PASD1: variants seen among roughly 807,000 people sequenced by gnomAD.
PASD1 encodes PAS domain containing repressor 1, also known as circadian clock protein PASD1.
Under a neutral mutation model 58.8 loss-of-function variants are expected in PASD1, and 13 were observed. That is an observed-to-expected ratio of 0.22 (90% CI 0.14 to 0.35). PASD1 has a LOEUF of 0.35. Among genes scored for constraint, PASD1 ranks in the 10% least tolerant of loss-of-function variants. PASD1 has a pLI of 1.00. For synonymous variants in PASD1, 236 were observed against 216.7 expected (o/e 1.09, Z -0.78); for missense variants, 734 against 568.3 (o/e 1.29, Z -2.96).
chrX:151,648,847 T>C, intron 9 of PASD1, 145 bp downstream of exon 9: 1 of 647,556 alleles, frequency 1.5e-6, no homozygotes, highest in Non-Finnish European at 2.3e-6. Flanking sequence ...TGTAGACATT[T>C]CTTATTAGGA....
Position 151,660,100 on chromosome X carries a change from T to C in PASD1, c.841+264T>C, listed in dbSNP as rs148784834. On this transcript the variant is annotated intron_variant, in intron 10 of 15. Coordinates refer to ENST00000370357, the MANE Select transcript of PASD1 (RefSeq NM_173493.3). ...CGCTGGATCTCAATCCTTGAAGGAA[T>C]AGCGTTTTATCTTTTTATACTCGTG... 3.1e-3 allele frequency among the ~76,000 whole-genome samples: 352 copies of C among 112,254 alleles called. 5 individuals carry two copies. Among genetic ancestry groups the C allele is most frequent in the African/African-American group, 0.011 (329 of 30,930 alleles).
At chrX:151,666,233 A>G (rs2014378630) in intron 11 of PASD1, among the ~76,000 whole-genome samples, 3 of 110,131 alleles carry the variant, frequency 2.7e-5, no homozygotes, top group Admixed American at 1.9e-4. Context: ...CCTTGTTTAT[A>G]TGCATGGTAT....
At chrX:151,667,734 G>T (rs1477526766) in intron 11 of PASD1, among the ~76,000 whole-genome samples, 11 of 111,574 alleles carry the variant, frequency 9.9e-5, no homozygotes, top group South Asian at 3.8e-4. Context: ...TGTTCCATTG[G>T]TCTGTATCTC....
At chrX:151,641,545 G>C (rs1331126470) in intron 8 of PASD1, among the ~76,000 whole-genome samples, 2 of 111,242 alleles carry the variant, frequency 1.8e-5, no homozygotes, top group Non-Finnish European at 3.8e-5. Flanking sequence ...CCCACAAAAA[G>C]AATATGATTT....
At chrX:151,598,512 G>C (rs770819204) in intron 1 of PASD1, among the ~76,000 whole-genome samples, 1 of 110,619 alleles carries the variant, frequency 9.0e-6, no homozygotes, top group Admixed American at 9.6e-5. Context: ...ATGCCCATCT[G>C]GAACCCCTCT....
chrX:151,566,887 A>C (rs1399271911), intron 1 of PASD1, among the ~76,000 whole-genome samples: 4 of 108,498 alleles, frequency 3.7e-5, no homozygotes, highest in Non-Finnish European at 7.6e-5. Context: ...ACCAACATGG[A>C]AAAACCCCGT....
intron 1 of PASD1, among the ~76,000 whole-genome samples, chrX:151,583,872 C>A (rs5924961): frequency 9.1e-6 from 1 of 110,428 alleles, no homozygotes; most frequent in African/African-American, 3.3e-5. Context: ...AGAATTCAGG[C>A]TAAGTCTAAG....
At position 151,563,717 on chromosome X, in the gene PASD1, G is replaced by T. The variant is rs2124211446; in HGVS notation, c.-150G>T. 8.9e-6 allele frequency: 1 copy of T among 112,226 alleles called. No homozygotes were observed. Among genetic ancestry groups the T allele is most frequent in the African/African-American group, 3.2e-5 (1 of 30,866 alleles). The allele number at this position is 112,226 out of a possible 1,213,427, so 9.2% of individuals were successfully genotyped here. A position where few individuals can be genotyped will look rare whatever the true frequency, so the allele number is the denominator to read the frequency against. ...CACTTCCCTGAAGAGTCTAGAAGCT[G>T]CTCCTCATTTCCAGACTTTCCGGGC... On this transcript the variant is annotated 5_prime_UTR_variant, in exon 1 of 16. Coordinates refer to ENST00000370357, the MANE Select transcript of PASD1 (RefSeq NM_173493.3).
At position 151,641,733 on chromosome X, in the gene PASD1, A is replaced by G. The variant is rs778403299; in HGVS notation, c.630-6882A>G. Among the ~76,000 whole-genome samples, 4 of 110,767 alleles carry G rather than the reference A, an allele frequency of 3.6e-5. No homozygotes were observed. In the East Asian group the frequency reaches 8.7e-4, roughly 24 times the overall value. On this transcript the variant is annotated intron_variant, in intron 8 of 15. Transcript: ENST00000370357. ...AGGGAATTGGAGAGGAGAAGGGTAC[A>G]TTATTTCCTGAGTCATCTTGTTTCA...
In PASD1 at chrX:151,642,725, A is replaced by G. The variant is rs1273296210; in HGVS notation, c.630-5890A>G. On this transcript the variant is annotated intron_variant, in intron 8 of 15. Transcript: ENST00000370357. ...CTTTGAACTCTGATAAAACTTAATG[A>G]CTTAGAGTGGATTGAAATATTTTAA... Among the ~76,000 whole-genome samples the G allele has an allele frequency of 2.7e-5, 3 of 112,360 alleles. No individual in the cohort carries two copies. The South Asian group carries it at 1.1e-3, about 41-fold the overall frequency.
intron 1 of PASD1, among the ~76,000 whole-genome samples, chrX:151,600,754 C>T (rs1456659165): frequency 9.0e-6 from 1 of 111,093 alleles, no homozygotes; most frequent in Admixed American, 9.6e-5. Context: ...GTTTCACTTC[C>T]CTGTTCAGGT....
chrX:151,593,711 G>A, intron 1 of PASD1, among the ~76,000 whole-genome samples: 1 of 111,340 alleles, frequency 9.0e-6, no homozygotes, highest in Middle Eastern at 4.6e-3. Flanking sequence ...ACATATGTGT[G>A]CATGTGTCTT....
intron 1 of PASD1, among the ~76,000 whole-genome samples, chrX:151,565,725 T>C (rs939898671): frequency 9.1e-6 from 1 of 109,741 alleles, no homozygotes; most frequent in Admixed American, 9.7e-5. Context: ...GCCCGGCTAA[T>C]TTTTTTGTAT....
chrX:151,591,183 A>T (rs1014587517), intron 1 of PASD1, among the ~76,000 whole-genome samples: 2 of 111,769 alleles, frequency 1.8e-5, no homozygotes, highest in Non-Finnish European at 3.8e-5. Context: ...ACACTGATAC[A>T]TCTATATTAT....
intron 1 of PASD1, among the ~76,000 whole-genome samples, chrX:151,564,622 G>A (rs908002913): frequency 9.1e-6 from 1 of 109,750 alleles, no homozygotes; most frequent in East Asian, 2.9e-4. Flanking sequence ...GGCGAACGTC[G>A]GTGCGGTGGC....
At chrX:151,644,142 C>A (rs1031863719) in intron 8 of PASD1, among the ~76,000 whole-genome samples, 2 of 112,143 alleles carry the variant, frequency 1.8e-5, no homozygotes, top group Non-Finnish European at 3.8e-5. Flanking sequence ...TAATGTAAAT[C>A]TATTAAGACG....
At chrX:151,671,006 A>G (rs1401230853) in intron 11 of PASD1, 32 bp from the exon 12 acceptor site, 1 of 1,197,498 alleles carries the variant, frequency 8.4e-7, no homozygotes, top group Admixed American at 2.2e-5. Flanking sequence ...CAGTGTTGCT[A>G]TACATGAACC....
At chrX:151,660,807 A>G (rs1034560442) in intron 10 of PASD1, among the ~76,000 whole-genome samples, 2 of 112,450 alleles carry the variant, frequency 1.8e-5, no homozygotes, top group African/African-American at 6.5e-5. Context: ...GTTTCTCACT[A>G]TCACTTACAG....
At chrX:151,646,761 G>T (rs1435221386) in intron 8 of PASD1, among the ~76,000 whole-genome samples, 1 of 112,419 alleles carries the variant, frequency 8.9e-6, no homozygotes, top group Non-Finnish European at 1.9e-5. Context: ...AAAACATTTT[G>T]ATTGAATTGA....
Sources: allele counts gnomAD v4.1 joint callset (sites outside exome capture counted in the v4.1 genomes callset), GRCh38; gene constraint gnomAD v4.1.1; transcripts MANE v1.5; gene names NCBI Gene and HGNC (gene_info 2026-07-23, HGNC 2026-07-21).